CAMK1D: variants seen among roughly 807,000 people sequenced by gnomAD.
CAMK1D encodes calcium/calmodulin dependent protein kinase ID.
Under a neutral mutation model 47.7 loss-of-function variants are expected in CAMK1D, and 9 were observed. The observed-to-expected ratio is 0.19, with a 90% CI of 0.11 to 0.33. CAMK1D has a LOEUF of 0.33. Among genes scored for constraint, CAMK1D ranks in the 10% least tolerant of loss-of-function variants. The pLI is 1.00. For synonymous variants in CAMK1D, 184 were observed against 184.9 expected, an observed-to-expected ratio of 0.99 and a Z score of 0.04; for missense variants, 291 against 488.7, an observed-to-expected ratio of 0.60 and a Z score of 3.81.
chr10:12,475,560 G>T (rs1588528985), intron 1 of CAMK1D, among the ~76,000 whole-genome samples: 1 of 152,074 alleles, frequency 6.6e-6, no homozygotes. Flanking sequence ...CTACCTGTTG[G>T]CTATTGTGGG....
At chr10:12,730,554 G>A (rs931492761) in intron 3 of CAMK1D, among the ~76,000 whole-genome samples, 4 of 152,106 alleles carry the variant, frequency 2.6e-5, no homozygotes, top group African/African-American at 4.8e-5. Context: ...CTTCATCCAC[G>A]AGCCAGGATG....
chr10:12,758,126 A>G (rs1446137491), intron 3 of CAMK1D, among the ~76,000 whole-genome samples: 1 of 152,114 alleles, frequency 6.6e-6, no homozygotes, highest in Non-Finnish European at 1.5e-5. Flanking sequence ...CTGGGATTAC[A>G]GGCATGAGCC....
At chr10:12,759,345 C>T (rs910969442) in intron 3 of CAMK1D, among the ~76,000 whole-genome samples, 1 of 152,176 alleles carries the variant, frequency 6.6e-6, no homozygotes, top group Non-Finnish European at 1.5e-5. Context: ...CAGAATGAGA[C>T]CCTGTCTCAG....
At chr10:12,350,656 C>A (rs1370139104) in intron 1 of CAMK1D, among the ~76,000 whole-genome samples, 1 of 152,238 alleles carries the variant, frequency 6.6e-6, no homozygotes, top group East Asian at 1.9e-4. Context: ...CAGGAACGCT[C>A]CAAGCATGTG....
chr10:12,508,508 T>G (rs959331050), intron 1 of CAMK1D, among the ~76,000 whole-genome samples: 10 of 152,296 alleles, frequency 6.6e-5, no homozygotes, highest in African/African-American at 2.4e-4. Flanking sequence ...AAATGGGGAC[T>G]TCTTGCTCAG....
intron 1 of CAMK1D, among the ~76,000 whole-genome samples, chr10:12,486,860 C>T (rs1452917416): frequency 6.6e-6 from 1 of 152,228 alleles, no homozygotes; most frequent in African/African-American, 2.4e-5. Flanking sequence ...ATCACTTGAG[C>T]CCAGGAGTTT....
chr10:12,660,627 T>G (rs1173031716), intron 2 of CAMK1D, among the ~76,000 whole-genome samples: 5 of 152,228 alleles, frequency 3.3e-5, no homozygotes, highest in African/African-American at 1.2e-4. Flanking sequence ...CCCACTTCCC[T>G]CTACCATTTC....
intron 1 of CAMK1D, among the ~76,000 whole-genome samples, chr10:12,369,071 T>A (rs1290040174): frequency 6.6e-6 from 1 of 152,152 alleles, no homozygotes; most frequent in Admixed American, 6.6e-5. Flanking sequence ...CACCTCTGTC[T>A]CCCAAAGTGC....
intron 3 of CAMK1D, among the ~76,000 whole-genome samples, chr10:12,734,594 C>G (rs1835096295): frequency 6.8e-6 from 1 of 147,956 alleles, no homozygotes; most frequent in Non-Finnish European, 1.5e-5. Flanking sequence ...AGACACAAAC[C>G]TCTTTGACTT....
At chr10:12,389,680 A>T (rs1310792427) in intron 1 of CAMK1D, among the ~76,000 whole-genome samples, 1 of 152,048 alleles carries the variant, frequency 6.6e-6, no homozygotes. Context: ...TTTTGGGTGA[A>T]TGTTAATGGC....
chr10:12,576,937 A>G (rs1837506729), intron 2 of CAMK1D, among the ~76,000 whole-genome samples: 1 of 152,158 alleles, frequency 6.6e-6, no homozygotes, highest in Non-Finnish European at 1.5e-5. Context: ...CAGAAAAGGA[A>G]CCACATCTCT....
At chr10:12,462,755 G>T (rs1413608067) in intron 1 of CAMK1D, among the ~76,000 whole-genome samples, 1 of 152,112 alleles carries the variant, frequency 6.6e-6, no homozygotes, top group African/African-American at 2.4e-5. Context: ...GCAGTGGCAC[G>T]GTCATAGCCC....
At chr10:12,379,750 CTCAA>C (rs1302210117) in intron 1 of CAMK1D, among the ~76,000 whole-genome samples, 12 of 152,068 alleles carry the variant, frequency 7.9e-5, no homozygotes, top group African/African-American at 2.4e-4. Context: ...GAAACCTTGT[CTCAA>C]TCAATCAATT....
intron 2 of CAMK1D, among the ~76,000 whole-genome samples, chr10:12,624,220 G>T (rs903973342): frequency 6.6e-6 from 1 of 152,140 alleles, no homozygotes; most frequent in African/African-American, 2.4e-5. Context: ...GCGTGTGTGT[G>T]TGTGTGTAAA....
chr10:12,434,840 G>A (rs1458029719), intron 1 of CAMK1D, among the ~76,000 whole-genome samples: 6 of 152,188 alleles, frequency 3.9e-5, no homozygotes, highest in African/African-American at 7.2e-5. Context: ...GGAATCATCC[G>A]TCTAGAAAAG....
Position 12,769,665 on chromosome 10 carries a change from C to A in CAMK1D, c.439-8C>A. On this transcript the variant is annotated splice_region_variant and splice_polypyrimidine_tract_variant and intron_variant, in intron 4 of 10. Coordinates refer to ENST00000619168, the MANE Select transcript of CAMK1D (RefSeq NM_153498.4). ...GTTTGTAATGTTTTTTTCTTATTTTCTTTCTAGCCCGAAAATCTCTTGTAC... is the reference window on the plus strand; with the variant it reads ...GTTTGTAATGTTTTTTTCTTATTTTATTTCTAGCCCGAAAATCTCTTGTAC... 6.2e-7 allele frequency: 1 copy of A among 1,612,798 alleles called. No homozygotes were observed. Among genetic ancestry groups the A allele is most frequent in the Non-Finnish European group, 8.5e-7 (1 of 1,179,500 alleles).
At chr10:12,500,274 CAAAACA>C (rs763799717) in intron 1 of CAMK1D, among the ~76,000 whole-genome samples, 14 of 152,038 alleles carry the variant, frequency 9.2e-5, no homozygotes, top group East Asian at 3.9e-4. Context: ...TTCAAAAACA[CAAAACA>C]AAAACAAAAA....
At chr10:12,420,873 T>G (rs1229084836) in intron 1 of CAMK1D, among the ~76,000 whole-genome samples, 1 of 152,180 alleles carries the variant, frequency 6.6e-6, no homozygotes, top group Non-Finnish European at 1.5e-5. Context: ...GCTCCAGTAC[T>G]CAGACAAGGG....
intron 3 of CAMK1D, among the ~76,000 whole-genome samples, chr10:12,683,046 C>T (rs545477390): frequency 6.6e-5 from 10 of 151,562 alleles, no homozygotes; most frequent in South Asian, 2.1e-4. Context: ...CTCAGCCTCC[C>T]GAGTAGCTGG....
Sources: gnomAD v4.1 joint callset for allele counts (sites outside exome capture counted in the v4.1 genomes callset) on GRCh38, gnomAD v4.1.1 for gene constraint, MANE v1.5 for transcripts, NCBI Gene and HGNC (gene_info 2026-07-23, HGNC 2026-07-21) for gene names.